The following CIC variants were observed in gnomAD, a reference collection of about 807,000 sequenced individuals.
CIC encodes the protein capicua transcriptional repressor.
In CIC, 18 loss-of-function variants were observed where a neutral mutation model predicts 115.7. That is an observed-to-expected ratio of 0.16 (90% confidence interval 0.11 to 0.23). The LOEUF (loss-of-function observed/expected upper bound fraction) is 0.23, where lower values mean the gene tolerates loss of function less well. Ranked by LOEUF, CIC falls within the 10% of genes least tolerant of loss-of-function variation. CIC has a pLI of 1.00. For synonymous variants in CIC, 1,076 were observed against 923.0 expected (o/e 1.17, Z -3.01); for missense variants, 2,000 against 2,159.3 (o/e 0.93, Z 1.46).
chr19:42,268,847 C>T (rs2036658283), upstream of CIC, among the ~76,000 whole-genome samples: 1 of 152,222 alleles, frequency 6.6e-6, no homozygotes, highest in African/African-American at 2.4e-5. Flanking sequence ...ATTGGACAAC[C>T]CGTCCCTTAG....
chr19:42,287,297 C>T lies in CIC; in HGVS notation c.3180-23C>T, dbSNP rs1432342291. 1 of 1,613,984 alleles carries T rather than the reference C, an allele frequency of 6.2e-7. No homozygotes were observed. The highest frequency in any genetic ancestry group is 8.5e-7 in the Non-Finnish European group (1 of 1,180,042). On this transcript the variant is annotated intron_variant, in intron 4 of 20. Coordinates refer to ENST00000681038, the MANE Select transcript of CIC (RefSeq NM_001386298.1). The surrounding 1 kb of genome is among the most constrained non-coding windows in gnomAD (Gnocchi z 8.7). ...GGGATGGCCAGAGACATGGCCCTCA[C>T]TGTCCCTGCTGCCCCGCCGCAGCTT...
In CIC at chr19:42,291,000, G is replaced by C. The variant is rs1655669699; in HGVS notation, c.4959G>C (p.Leu1653Phe). ...SAAATSPAPH[L>F]VAGPLLGTVG... ...CAGCCACCTCACCAGCCCCACACTT[G>C]GTGGCTGGACCCCTGCTGGGCACTG... is the stretch of plus-strand genomic sequence containing the variant. The change falls in exon 11 of 21, where the codon TTG (leucine) becomes TTC (phenylalanine). Residue 1653 changes from leucine to phenylalanine, a missense_variant. This residue lies in a region of CIC where 1,466 missense variants were observed against 1,390.4 expected (regional missense o/e 1.05). Coordinates refer to ENST00000681038, the MANE Select transcript of CIC (RefSeq NM_001386298.1). 2 of 1,613,698 alleles carry C rather than the reference G, an allele frequency of 1.2e-6. No homozygotes were observed. Among genetic ancestry groups the C allele is most frequent in the Non-Finnish European group, 8.5e-7 (1 of 1,180,010 alleles).
In CIC at chr19:42,291,626, C is replaced by T. The variant is rs2147279751; in HGVS notation, c.5494C>T (p.Leu1832=). The T allele has an allele frequency of 6.2e-7, 1 of 1,613,016 alleles. No individual in the cohort carries two copies. The highest frequency in any genetic ancestry group is 1.7e-5 in the Admixed American group (1 of 60,022). Residue 1832 remains leucine, a synonymous_variant, in exon 12 of 21, where the codon CTA becomes TTA. Transcript: ENST00000681038. ...GSAQLLPGKV[L]VPLAAPSMSV... Reference sequence around the variant, plus strand: ...AGCCCAGCTGCTGCCTGGGAAGGTCCTAGTGCCTCTGGCCGCCCCTAGCAT... The same window carrying T: ...AGCCCAGCTGCTGCCTGGGAAGGTCTTAGTGCCTCTGGCCGCCCCTAGCAT...
At chr19:42,292,260 C>T (rs373580183) in intron 13 of CIC, 40 bp from the exon 14 acceptor site, 35 of 1,613,694 alleles carry the variant, frequency 2.2e-5, no homozygotes, top group Middle Eastern at 1.6e-4. Flanking sequence ...GGGGCGGGGC[C>T]GGCTTACCTC....
At chr19:42,271,068 G>A (rs370386281) in intron 1 of CIC, among the ~76,000 whole-genome samples, 2 of 151,734 alleles carry the variant, frequency 1.3e-5, no homozygotes, top group African/African-American at 2.4e-5. Context: ...TGCCCAGAGG[G>A]GCAGAGGGAG....
rs766113983 is a variant in CIC, at chr19:42,290,510, C to T, written c.4469C>T (p.Pro1490Leu). Residue 1490 changes from proline (P) to leucine (L), a missense_variant, in exon 11 of 21, where the codon CCA (proline) becomes CTA (leucine). This residue lies in a region of CIC where 1,466 missense variants were observed against 1,390.4 expected (regional missense o/e 1.05). Transcript: ENST00000681038. ...CCCCCACCCCCTGGGGCTGGGGGTC[C>T]AGCGACACCTTCCAAGGCAACCCGG... ...LRPPPPGAGGPATPSKATRFL... is the reference protein window; with the variant it reads ...LRPPPPGAGGLATPSKATRFL... 5 of 1,613,348 alleles carry T rather than the reference C, an allele frequency of 3.1e-6. No homozygotes were observed. The highest frequency in any genetic ancestry group is 4.2e-6 in the Non-Finnish European group (5 of 1,179,886).
chr19:42,274,740 G>A (rs532475616), intron 2 of CIC, among the ~76,000 whole-genome samples, 163 bp downstream of exon 2: 3 of 152,338 alleles, frequency 2.0e-5, no homozygotes, highest in Admixed American at 2.0e-4. Flanking sequence ...GTCAGGAAAG[G>A]GATTGGACTT....
chr19:42,287,696 A>T lies in CIC; in HGVS notation c.3461A>T (p.Glu1154Val), dbSNP rs371737496. ...GEWWYALGPK[E>V]KQKYHDLAFQ... is the part of the protein sequence containing the mutation. ...TGGTGGTATGCCCTGGGGCCCAAGG[A>T]GAAGCAGAAGTACCACGACCTGGCC... The change falls in exon 6 of 21, where the codon GAG becomes GTG. Residue 1154 changes from glutamate to valine, a missense_variant. This residue lies in a region of CIC where 22 missense variants were observed against 93.8 expected (regional missense o/e 0.23). Transcript: ENST00000681038. The surrounding 1 kb of genome is among the most constrained non-coding windows in gnomAD (Gnocchi z 8.7). 1 of 1,614,126 alleles carries T rather than the reference A, an allele frequency of 6.2e-7. No homozygotes were observed. Among genetic ancestry groups the T allele is most frequent in the Non-Finnish European group, 8.5e-7 (1 of 1,180,038 alleles).
rs1372447231 is a variant in CIC at position 42,273,134 on chromosome 19, G to A, written c.1351G>A (p.Gly451Ser). Residue 451 changes from glycine to serine, a missense_variant, in exon 2 of 21, where the codon GGC becomes AGC. Around this residue, in one of 8 missense-constraint regions of CIC, gnomAD observed 222 missense variants for 247.7 expected, o/e 0.90. Transcript: ENST00000681038. ...PSPCQEGSQG[G>S]SRSSSVASLE... is the part of the protein sequence containing the mutation. ...GCCCTGCCAGGAGGGGAGCCAGGGCGGCAGCCGCAGCAGCAGCGTGGCCTC... is the reference window on the plus strand; with the variant it reads ...GCCCTGCCAGGAGGGGAGCCAGGGCAGCAGCCGCAGCAGCAGCGTGGCCTC... 2.0e-5 allele frequency: 8 copies of A among 398,406 alleles called. No individual in the cohort carries two copies. Among genetic ancestry groups the A allele is most frequent in the African/African-American group, 8.2e-5 (4 of 48,606 alleles). 24.7% of individuals were successfully genotyped at this position (398,406 alleles called of 1,614,324 possible).
Position 42,294,986 on chromosome 19 carries a change from C to A in CIC, c.7349C>A (p.Thr2450Asn). Residue 2450 changes from threonine to asparagine, a missense_variant, in exon 21 of 21, where the codon ACT becomes AAT. Thr to Asn is a moderately conservative substitution (Grantham distance 65, BLOSUM62 0). Transcript: ENST00000681038. ...AEAPLPVPPP[T>N]GTAAAPAPTP... ...GCTCCTCTCCCTGTACCGCCCCCCA[C>A]TGGCACCGCTGCTGCCCCTGCCCCC... 6.3e-7 allele frequency: 1 copy of A among 1,598,706 alleles called. No individual in the cohort carries two copies. Among genetic ancestry groups the A allele is most frequent in the Non-Finnish European group, 8.5e-7 (1 of 1,179,316 alleles).
Position 42,294,981 on chromosome 19 carries a change from C to T in CIC, c.7344C>T (p.Pro2448=), listed in dbSNP as rs750816477. 3 of 1,599,472 alleles carry T rather than the reference C, an allele frequency of 1.9e-6. No individual in the cohort carries two copies. The highest frequency in any genetic ancestry group is 2.5e-6 in the Non-Finnish European group (3 of 1,179,606). Residue 2448 remains proline, a synonymous_variant, in exon 21 of 21, where the codon CCC becomes CCT. Coordinates refer to ENST00000681038, the MANE Select transcript of CIC (RefSeq NM_001386298.1). The part of the protein sequence containing the change: ...PGAEAPLPVP[P]PTGTAAAPAP... ...CTGAGGCTCCTCTCCCTGTACCGCC[C>T]CCCACTGGCACCGCTGCTGCCCCTG...
At chr19:42,289,674 T>TGCACTGGGCAGTGG (rs1051160580) in intron 9 of CIC, among the ~76,000 whole-genome samples, 174 bp from the exon 10 acceptor site, 1 of 152,156 alleles carries the variant, frequency 6.6e-6, no homozygotes, top group Non-Finnish European at 1.5e-5. Flanking sequence ...CATAGGCTCC[T>TGCACTGGGCAGTGG]GCACTGGGCA....
chr19:42,283,099 G>C (rs1426453996), intron 2 of CIC, among the ~76,000 whole-genome samples: 1 of 152,180 alleles, frequency 6.6e-6, no homozygotes, highest in Non-Finnish European at 1.5e-5. Context: ...GGATTATATA[G>C]AGGGTGGGGT....
At position 42,295,143 on chromosome 19, in the gene CIC, G is replaced by GGGGCGCCCCCCCCC; in HGVS notation, c.7506_7507insGGGCGCCCCCCCCC (p.Pro2503GlyfsTer31). 1.4e-6 allele frequency: 2 copies of GGGGCGCCCCCCCCC among 1,382,734 alleles called. No homozygotes were observed. Among genetic ancestry groups the GGGGCGCCCCCCCCC allele is most frequent in the Non-Finnish European group, 1.9e-6 (2 of 1,037,824 alleles). 85.7% of individuals were successfully genotyped at this position (1,382,734 alleles called of 1,614,324 possible). ...AGCCTGGCTGGGAGGGGGCTCCCCA[G>GGGGCGCCCCCCCCC]CCCTCCCCCCCACCCCCAGGTCCCT... is the stretch of plus-strand genomic sequence containing the variant. On this transcript the variant is annotated frameshift_variant, in exon 21 of 21. Transcript: ENST00000681038. LOFTEE classifies it high-confidence loss of function.
rs1346139647 is a variant in CIC at position 42,292,726 on chromosome 19, C to T, written c.6063C>T (p.Ser2021=). Residue 2021 remains serine (S), a synonymous_variant, in exon 15 of 21, where the codon TCC becomes TCT. Coordinates refer to ENST00000681038, the MANE Select transcript of CIC (RefSeq NM_001386298.1). The part of the protein sequence containing the change: ...PTSSAPLAQP[S]QAPPSLVYTV... The stretch of plus-strand genomic sequence containing the variant: ...CCTCAGCACCCCTGGCCCAGCCATC[C>T]CAGGCCCCCCCAAGCCTGGTCTACA... 1 of 1,613,736 alleles carries T rather than the reference C, an allele frequency of 6.2e-7. No homozygotes were observed. The highest frequency in any genetic ancestry group is 1.7e-5 in the Admixed American group (1 of 60,020).
intron 10 of CIC, 59 bp from the exon 11 acceptor site, chr19:42,290,174 G>A: frequency 1.2e-6 from 2 of 1,609,540 alleles, no homozygotes; most frequent in Non-Finnish European, 1.7e-6. Context: ...ATGGCTAGGG[G>A]GCTGCTATCG....
chr19:42,295,131 G>A lies in CIC; in HGVS notation c.7494G>A (p.Glu2498=). Reference sequence around the variant, plus strand: ...CGGGGCCTGGACAGCCTGGCTGGGAGGGGGCTCCCCAGCCCTCCCCCCCAC... The same window carrying A: ...CGGGGCCTGGACAGCCTGGCTGGGAAGGGGCTCCCCAGCCCTCCCCCCCAC... ...PESGPGQPGW[E]GAPQPSPPPP... is the part of the protein sequence containing the mutation. The change falls in exon 21 of 21, where the codon GAG becomes GAA. Residue 2498 remains glutamate, a synonymous_variant. Coordinates refer to ENST00000681038, the MANE Select transcript of CIC (RefSeq NM_001386298.1). 6.6e-7 allele frequency: 1 copy of A among 1,504,006 alleles called. No individual in the cohort carries two copies. Among genetic ancestry groups the A allele is most frequent in the Non-Finnish European group, 8.8e-7 (1 of 1,130,434 alleles). The allele number at this position is 1,504,006 out of a possible 1,614,324, so 93.2% of individuals were successfully genotyped here.
chr19:42,283,697 G>A (rs1383080504), intron 2 of CIC, among the ~76,000 whole-genome samples: 2 of 151,976 alleles, frequency 1.3e-5, no homozygotes, highest in African/African-American at 4.8e-5. Context: ...TGTTCCTCGC[G>A]CGGACTGGAC....
rs1568483571 is a variant in CIC, at chr19:42,270,620, G to A, written c.-10-1154G>A. The stretch of plus-strand genomic sequence containing the variant: ...CCACCTATCCCCACTTGGAGTTGGA[G>A]GGCATATTTGGGGGCCTGCGGGGGG... On this transcript the variant is annotated intron_variant, in intron 1 of 20. Transcript: ENST00000681038. This position sits in a 1 kb window ranked among gnomAD's most constrained non-coding sequence, Gnocchi z 4.1. Among the ~76,000 whole-genome samples the A allele has an allele frequency of 6.6e-6, 1 of 152,178 alleles. No individual in the cohort carries two copies. The highest frequency in any genetic ancestry group is 6.5e-5 in the Admixed American group (1 of 15,284).
Sources: allele counts gnomAD v4.1 joint callset (sites outside exome capture counted in the v4.1 genomes callset), GRCh38; gene constraint gnomAD v4.1.1; regional missense constraint gnomAD v4.1.1; non-coding constraint Gnocchi (gnomAD v3.1); transcripts MANE v1.5; gene names NCBI Gene and HGNC (gene_info 2026-07-23, HGNC 2026-07-21).